Variants in ROBO4 observed in about 807,000 individuals in gnomAD.
The protein encoded by ROBO4 is roundabout homolog 4.
A neutral mutation model predicts 103.3 loss-of-function variants in ROBO4; 80 were observed. That is an observed-to-expected ratio of 0.77 (90% CI 0.65 to 0.93). The LOEUF (loss-of-function observed/expected upper bound fraction) is 0.93, where lower values mean the gene tolerates loss of function less well. Ranked by LOEUF, ROBO4 falls within the 40% of genes least tolerant of loss-of-function variation. The pLI is 0.00. For synonymous variants in ROBO4, 504 were observed against 529.7 expected, an observed-to-expected ratio of 0.95 and a Z score of 0.67; for missense variants, 1,333 against 1,305.3, an observed-to-expected ratio of 1.02 and a Z score of -0.33.
At chr11:124,886,844 G>A in intron 15 of ROBO4, 22 bp from the exon 16 acceptor site, 2 of 1,526,638 alleles carry the variant, frequency 1.3e-6, no homozygotes, top group South Asian at 1.3e-5. Flanking sequence ...CAAAAGGGGA[G>A]ACAGCAATGG....
rs148605539 is a variant in ROBO4, at chr11:124,885,135, G to A, written c.2907C>T (p.Thr969=). The A allele has an allele frequency of 1.2e-3, 1,920 of 1,614,064 alleles. 29 individuals are homozygous for A. The African/African-American group carries it at 0.022, about 19-fold the overall frequency. The change falls in exon 17 of 18, where the codon ACC becomes ACT. Residue 969 remains threonine, a synonymous_variant. Transcript: ENST00000306534. ...GAGGCATCCCCCTTCCCAGCCGCTG[G>A]GTGTGGCTGACCTCCATGTCTTCCA... ...DWLEDMEVSH[T]QRLGRGMPPW... is the part of the protein sequence containing the mutation.
chr11:124,891,951 C>T, intron 10 of ROBO4, 149 bp from the exon 11 acceptor site: 1 of 914,572 alleles, frequency 1.1e-6, no homozygotes, highest in East Asian at 2.6e-5. Flanking sequence ...TTCACAGACT[C>T]CTTAAGATCT....
Position 124,895,199 on chromosome 11 carries a change from G to C in ROBO4, c.1037-6C>G. ...CTGAGGTGGGGCACTGGGCACTGGA[G>C]GGGTGGAAGAGAGACTATGAGGGGC... On this transcript the variant is annotated splice_polypyrimidine_tract_variant and splice_region_variant and intron_variant, in intron 6 of 17. Transcript: ENST00000306534. 6.2e-7 allele frequency: 1 copy of C among 1,608,116 alleles called. No individual in the cohort carries two copies. The highest frequency in any genetic ancestry group is 8.5e-7 in the Non-Finnish European group (1 of 1,174,708).
At chr11:124,889,871 A>C (rs1009312154) in intron 12 of ROBO4, among the ~76,000 whole-genome samples, 1 of 152,130 alleles carries the variant, frequency 6.6e-6, no homozygotes, top group African/African-American at 2.4e-5. Context: ...TAGAGGTAGA[A>C]TATCTAGTGT....
rs1946921748 is a variant in ROBO4, at chr11:124,897,679, A to G, written c.70+47T>C. 4 of 1,569,914 alleles carry G rather than the reference A, an allele frequency of 2.5e-6. No homozygotes were observed. The South Asian group carries it at 4.4e-5, about 17-fold the overall frequency. On this transcript the variant is annotated intron_variant, in intron 1 of 17. Coordinates refer to ENST00000306534, the MANE Select transcript of ROBO4 (RefSeq NM_019055.6). ...TCAGCAGGCCCCTTCTGCCCTGAGC[A>G]GGCCTTGGATGGAGGAGCATGGGCC... is the stretch of plus-strand genomic sequence containing the variant.
At chr11:124,887,605 C>T (rs2135367355) in intron 13 of ROBO4, 106 bp from the exon 14 acceptor site, 3 of 1,550,444 alleles carry the variant, frequency 1.9e-6, no homozygotes, top group South Asian at 2.3e-5. Context: ...TCCACTACTC[C>T]ATCCAACCCT....
At chr11:124,885,008 A>G in intron 17 of ROBO4, 33 bp downstream of exon 17, 1 of 1,613,824 alleles carries the variant, frequency 6.2e-7, no homozygotes, top group South Asian at 1.1e-5. Flanking sequence ...TCTGGTCAAG[A>G]TGAACACATT....
chr11:124,895,130 C>G lies in ROBO4; in HGVS notation c.1100G>C (p.Trp367Ser), dbSNP rs1371574076. 1 of 1,614,024 alleles carries G rather than the reference C, an allele frequency of 6.2e-7. No homozygotes were observed. Among genetic ancestry groups the G allele is most frequent in the African/African-American group, 1.3e-5 (1 of 74,902 alleles). The change falls in exon 7 of 18, where the codon TGG becomes TCG. Residue 367 changes from tryptophan (W) to serine (S), a missense_variant. Trp to Ser is a radical substitution (Grantham distance 177). Transcript: ENST00000306534. Reference sequence around the variant, plus strand: ...GTGGTTTTCAGCAGGTGGTGGGACCCAGCTCACAAAGACAGTGCCATTGCC... The same window carrying G: ...GTGGTTTTCAGCAGGTGGTGGGACCGAGCTCACAAAGACAGTGCCATTGCC... ...KPGNGTVFVS[W>S]VPPPAENHNG...
At position 124,885,085 on chromosome 11, in the gene ROBO4, G is replaced by A. The variant is rs1043254864; in HGVS notation, c.2957C>T (p.Ser986Phe). The A allele has an allele frequency of 8.7e-6, 14 of 1,614,184 alleles. No individual in the cohort carries two copies. Among genetic ancestry groups the A allele is most frequent in the Non-Finnish European group, 1.2e-5 (14 of 1,180,046 alleles). Residue 986 changes from serine to phenylalanine, a missense_variant, in exon 17 of 18, where the codon TCT becomes TTT. Transcript: ENST00000306534. ...MPPWPPDSQI[S>F]SQRSQLHCRM... ...ACAGTGGAGCTGACTTCTCTGGGAAGAGATCTGAGAGTCAGGGGGCCAGGG... is the reference window on the plus strand; with the variant it reads ...ACAGTGGAGCTGACTTCTCTGGGAAAAGATCTGAGAGTCAGGGGGCCAGGG...
In ROBO4 at chr11:124,886,961, C is replaced by T; in HGVS notation, c.2435+16G>A. 1.9e-6 allele frequency: 3 copies of T among 1,593,360 alleles called. No individual in the cohort carries two copies. The highest frequency in any genetic ancestry group is 1.1e-5 in the South Asian group (1 of 89,628). On this transcript the variant is annotated intron_variant, in intron 15 of 17. Coordinates refer to ENST00000306534, the MANE Select transcript of ROBO4 (RefSeq NM_019055.6). ...AGCTTTTCTGTAGTTCTTTGGTTAT[C>T]TCTCAAGCTACTCACCTGGGAGTCT...
rs1280720222 is a variant in ROBO4, at chr11:124,895,472, T to A, written c.1021A>T (p.Arg341Trp). 2 of 1,610,098 alleles carry A rather than the reference T, an allele frequency of 1.2e-6. No homozygotes were observed. Among genetic ancestry groups the A allele is most frequent in the African/African-American group, 2.7e-5 (2 of 74,922 alleles). Reference protein sequence around the residue: ...RGPDSNVLLLRLPEKVPSAPP... With the variant: ...RGPDSNVLLLWLPEKVPSAPP... ...AGGCCCTGACCTTTTTCCGGCAGCC[T>A]CAGGAGCAGCACGTTGCTGTCAGGG... Residue 341 changes from arginine to tryptophan, a missense_variant, in exon 6 of 18, where the codon AGG (arginine) becomes TGG (tryptophan). Coordinates refer to ENST00000306534, the MANE Select transcript of ROBO4 (RefSeq NM_019055.6).
chr11:124,894,065 C>A lies in ROBO4; in HGVS notation c.1319-20G>T. ...CCTGCTCTGTATGGGATGCAGAGCT[C>A]AGAGGGAGAGGGAGTCGAGGCATTG... On this transcript the variant is annotated intron_variant, in intron 8 of 17. Transcript: ENST00000306534. 6.5e-7 allele frequency: 1 copy of A among 1,540,408 alleles called. No individual in the cohort carries two copies. Among genetic ancestry groups the A allele is most frequent in the South Asian group, 1.3e-5 (1 of 78,938 alleles).
rs556931685 is a variant in ROBO4, at chr11:124,896,683, T to C, written c.401-13A>G. The stretch of plus-strand genomic sequence containing the variant: ...TCCTCCCGGAGGACTGTGGGGAGGA[T>C]GGAAGGTGACACGGAGCAGGGCCCA... On this transcript the variant is annotated splice_polypyrimidine_tract_variant and intron_variant, in intron 2 of 17. Coordinates refer to ENST00000306534, the MANE Select transcript of ROBO4 (RefSeq NM_019055.6). 2.4e-5 allele frequency: 38 copies of C among 1,613,218 alleles called. No individual in the cohort carries two copies. The highest frequency in any genetic ancestry group is 3.2e-5 in the Non-Finnish European group (38 of 1,179,658).
Position 124,884,714 on chromosome 11 carries a change from C to T in ROBO4, c.*177G>A. 1 of 723,180 alleles carries T rather than the reference C, an allele frequency of 1.4e-6. No homozygotes were observed. Among genetic ancestry groups the T allele is most frequent in the Non-Finnish European group, 2.4e-6 (1 of 419,286 alleles). The allele number at this position is 723,180 out of a possible 1,614,324, so 44.8% of individuals were successfully genotyped here. On this transcript the variant is annotated 3_prime_UTR_variant, in exon 18 of 18. Coordinates refer to ENST00000306534, the MANE Select transcript of ROBO4 (RefSeq NM_019055.6). ...CTGAGGGCTCCAGGTCAGCTTTGCT[C>T]TAATTTTGTTTTCATTTGTTTTCAC...
chr11:124,887,783 C>T lies in ROBO4; in HGVS notation c.2006G>A (p.Arg669Gln), dbSNP rs4408324. The T allele has an allele frequency of 3.3e-3, 5,404 of 1,613,984 alleles. 146 individuals carry two copies. In the African/African-American group the frequency reaches 0.06, roughly 18 times the overall value. The change falls in exon 13 of 18, where the codon CGG (arginine) becomes CAG (glutamine). Residue 669 changes from arginine (R) to glutamine (Q), a missense_variant. Coordinates refer to ENST00000306534, the MANE Select transcript of ROBO4 (RefSeq NM_019055.6). ...LLRGSHSLELRACELGNRGSK... is the reference protein window; with the variant it reads ...LLRGSHSLELQACELGNRGSK... ...ACCTCTATTTCCTAACTCACAGGCC[C>T]GGAGCTCCAAGGAGTGGCTGCCCCG...
chr11:124,887,868 G>T, intron 12 of ROBO4, 28 bp from the exon 13 acceptor site: 1 of 1,585,756 alleles, frequency 6.3e-7, no homozygotes, highest in Non-Finnish European at 8.6e-7. Context: ...GTGGTTGTGG[G>T]GCCCAGGATG....
At position 124,897,158 on chromosome 11, in the gene ROBO4, C is replaced by T; in HGVS notation, c.174G>A (p.Gln58=). Residue 58 remains glutamine, a synonymous_variant, in exon 2 of 18, where the codon CAG becomes CAA. Coordinates refer to ENST00000306534, the MANE Select transcript of ROBO4 (RefSeq NM_019055.6). ...PARMSCQASG[Q]PPPTIRWLLN... is the part of the protein sequence containing the mutation. Reference sequence around the variant, plus strand: ...GCAACCAGCGGATGGTGGGAGGTGGCTGGCCTGAGGCTTGGCAGCTCATCC... The same window carrying T: ...GCAACCAGCGGATGGTGGGAGGTGGTTGGCCTGAGGCTTGGCAGCTCATCC... The T allele has an allele frequency of 6.4e-7, 1 of 1,556,772 alleles. No homozygotes were observed. Among genetic ancestry groups the T allele is most frequent in the Non-Finnish European group, 8.7e-7 (1 of 1,149,502 alleles).
intron 8 of ROBO4, 25 bp downstream of exon 8, chr11:124,894,176 G>A: frequency 6.3e-7 from 1 of 1,593,800 alleles, no homozygotes. Context: ...GAAGGGTAGG[G>A]TGGGTCTGTG....
chr11:124,886,786 G>T lies in ROBO4; in HGVS notation c.2472C>A (p.Pro824=), dbSNP rs1322932563. The T allele has an allele frequency of 6.5e-7, 1 of 1,541,320 alleles. No homozygotes were observed. Among genetic ancestry groups the T allele is most frequent in the Non-Finnish European group, 8.8e-7 (1 of 1,142,012 alleles). ...CGCTGATGTACCCATAGGTGGTGGGGGGTGAAGGAGCCCTTGGCATGGGAG... is the reference window on the plus strand; with the variant it reads ...CGCTGATGTACCCATAGGTGGTGGGTGGTGAAGGAGCCCTTGGCATGGGAG... ...SVSPMPRAPS[P]PTTYGYISVP... The change falls in exon 16 of 18, where the codon CCC becomes CCA. Residue 824 remains proline (P), a synonymous_variant. Transcript: ENST00000306534.
Sources: allele counts gnomAD v4.1 joint callset (sites outside exome capture counted in the v4.1 genomes callset), GRCh38; gene constraint gnomAD v4.1.1; transcripts MANE v1.5; gene names NCBI Gene and HGNC (gene_info 2026-07-23, HGNC 2026-07-21).